GALNTL6: variants seen among roughly 807,000 people sequenced by gnomAD.
GALNTL6 encodes the protein polypeptide N-acetylgalactosaminyltransferase like 6.
In GALNTL6, 46 loss-of-function variants were observed where a neutral mutation model predicts 73.7. That is an observed-to-expected ratio of 0.62 (90% CI 0.49 to 0.80). GALNTL6 has a LOEUF of 0.80. Among genes scored for constraint, GALNTL6 ranks in the 30% least tolerant of loss-of-function variants. The probability of loss-of-function intolerance (pLI) is 0.00; values close to 1 mark genes in which losing one functional copy is unlikely to be tolerated. For synonymous variants in GALNTL6, 259 were observed against 263.7 expected, an observed-to-expected ratio of 0.98 and a Z score of 0.17; for missense variants, 604 against 755.0, an observed-to-expected ratio of 0.80 and a Z score of 2.34.
intron 5 of GALNTL6, among the ~76,000 whole-genome samples, chr4:172,703,253 G>A (rs1464997530): frequency 1.3e-5 from 2 of 151,948 alleles, no homozygotes; most frequent in Non-Finnish European, 2.9e-5. Context: ...TGGGGAAAGT[G>A]GACCTCTTTG....
chr4:171,960,402 G>A (rs332972), intron 2 of GALNTL6, among the ~76,000 whole-genome samples: 62,614 of 151,520 alleles, frequency 0.41, 13,429 homozygotes, highest in East Asian at 0.54. Flanking sequence ...TCAGCCTCCC[G>A]AGTAACAGGG....
chr4:172,932,793 T>A (rs554732219), intron 9 of GALNTL6, among the ~76,000 whole-genome samples: 4 of 152,240 alleles, frequency 2.6e-5, no homozygotes, highest in Admixed American at 6.5e-5. Flanking sequence ...GCGTTAGTAC[T>A]TATGTGTGGA....
chr4:172,914,710 G>A (rs535059528), intron 8 of GALNTL6, among the ~76,000 whole-genome samples: 6 of 152,056 alleles, frequency 3.9e-5, no homozygotes, highest in Admixed American at 2.6e-4. Flanking sequence ...TATCCTAAAT[G>A]TATATGCACC....
intron 3 of GALNTL6, among the ~76,000 whole-genome samples, chr4:172,265,506 C>T (rs1294623463): frequency 6.6e-6 from 1 of 152,038 alleles, no homozygotes; most frequent in Non-Finnish European, 1.5e-5. Flanking sequence ...ATATTGAGTA[C>T]AGTTTGCAGG....
chr4:172,560,999 A>G (rs1230411682), intron 5 of GALNTL6, among the ~76,000 whole-genome samples: 2 of 151,774 alleles, frequency 1.3e-5, no homozygotes, highest in African/African-American at 4.8e-5. Context: ...CACGCCTGTA[A>G]TCCCAGCACT....
intron 5 of GALNTL6, among the ~76,000 whole-genome samples, chr4:172,718,437 G>A (rs898665221): frequency 2.6e-5 from 4 of 152,032 alleles, no homozygotes; most frequent in African/African-American, 9.7e-5. Context: ...TTCAAGACCA[G>A]CGTGGGTAAC....
intron 2 of GALNTL6, among the ~76,000 whole-genome samples, chr4:171,906,573 G>A (rs1737285259): frequency 6.6e-6 from 1 of 152,158 alleles, no homozygotes; most frequent in Non-Finnish European, 1.5e-5. Context: ...GTACAAGGAG[G>A]AACTGGTGCC....
At chr4:172,716,233 C>T (rs1735081333) in intron 5 of GALNTL6, among the ~76,000 whole-genome samples, 1 of 152,146 alleles carries the variant, frequency 6.6e-6, no homozygotes, top group South Asian at 2.1e-4. Context: ...ACAACAATAG[C>T]TAGCTAGTCA....
intron 5 of GALNTL6, among the ~76,000 whole-genome samples, chr4:172,516,999 G>T (rs1381491221): frequency 6.6e-6 from 1 of 152,066 alleles, no homozygotes; most frequent in East Asian, 1.9e-4. Context: ...ATAAAGAGAA[G>T]GGAGAATGGT....
At chr4:172,743,892 A>G (rs1317430650) in intron 5 of GALNTL6, among the ~76,000 whole-genome samples, 1 of 129,482 alleles carries the variant, frequency 7.7e-6, no homozygotes, top group Non-Finnish European at 1.7e-5. Flanking sequence ...TGCACAGGCA[A>G]AACAGATAAG....
At chr4:172,349,912 A>C (rs990546352) in intron 5 of GALNTL6, among the ~76,000 whole-genome samples, 2 of 151,670 alleles carry the variant, frequency 1.3e-5, no homozygotes, top group African/African-American at 4.8e-5. Context: ...CTCGTGTTGC[A>C]TAGGTAGGCA....
intron 5 of GALNTL6, among the ~76,000 whole-genome samples, chr4:172,470,129 C>T (rs1195434397): frequency 6.6e-6 from 1 of 152,152 alleles, no homozygotes; most frequent in African/African-American, 2.4e-5. Context: ...GAATAGCTAA[C>T]ATGTATTAAA....
chr4:172,121,299 G>A (rs950242526), intron 2 of GALNTL6, among the ~76,000 whole-genome samples: 1 of 148,512 alleles, frequency 6.7e-6, no homozygotes, highest in African/African-American at 2.5e-5. Context: ...GTGTGTGTAA[G>A]TTTGTAATTA....
At chr4:172,445,358 T>C (rs1731981876) in intron 5 of GALNTL6, among the ~76,000 whole-genome samples, 1 of 152,182 alleles carries the variant, frequency 6.6e-6, no homozygotes, top group Non-Finnish European at 1.5e-5. Flanking sequence ...GATGAGAACA[T>C]TTTATCACTT....
chr4:172,334,142 T>G (rs998545668), intron 4 of GALNTL6, among the ~76,000 whole-genome samples: 5 of 152,206 alleles, frequency 3.3e-5, no homozygotes, highest in African/African-American at 1.2e-4. Context: ...TACTCTACTT[T>G]GGTTACTATA....
chr4:172,762,223 T>G (rs1738151536), intron 5 of GALNTL6, among the ~76,000 whole-genome samples: 1 of 152,232 alleles, frequency 6.6e-6, no homozygotes, highest in Admixed American at 6.5e-5. Context: ...CAATGTTGCT[T>G]CTGCTCATTC....
chr4:171,913,519 C>A (rs1174901779), intron 2 of GALNTL6, among the ~76,000 whole-genome samples: 4 of 152,110 alleles, frequency 2.6e-5, no homozygotes, highest in Non-Finnish European at 5.9e-5. Flanking sequence ...CCACACTAAA[C>A]AATTTTTATT....
At chr4:172,693,122 G>A (rs1733418469) in intron 5 of GALNTL6, among the ~76,000 whole-genome samples, 2 of 152,192 alleles carry the variant, frequency 1.3e-5, no homozygotes, top group Non-Finnish European at 2.9e-5. Flanking sequence ...AAATGGAACA[G>A]AAGAGGGTAT....
At chr4:171,973,655 C>T (rs1196810018) in intron 2 of GALNTL6, among the ~76,000 whole-genome samples, 1 of 152,114 alleles carries the variant, frequency 6.6e-6, no homozygotes, top group Non-Finnish European at 1.5e-5. Flanking sequence ...TTCTTGGGTA[C>T]CAGGGATTAA....
Sources: gnomAD v4.1 joint callset for allele counts (sites outside exome capture counted in the v4.1 genomes callset) on GRCh38, gnomAD v4.1.1 for gene constraint, MANE v1.5 for transcripts, NCBI Gene and HGNC (gene_info 2026-07-23, HGNC 2026-07-21) for gene names.